The following SPC25 variants were observed in gnomAD, a reference collection of about 807,000 sequenced individuals.
SPC25 encodes SPC25 component of NDC80 kinetochore complex, also known as kinetochore protein Spc25.
Under a neutral mutation model 29.6 loss-of-function variants are expected in SPC25, and 22 were observed. That is an observed-to-expected ratio of 0.74 (90% confidence interval 0.53 to 1.06). The LOEUF (loss-of-function observed/expected upper bound fraction) is 1.06. Ranked by LOEUF, SPC25 falls within the 50% of genes least tolerant of loss-of-function variation. The pLI, the probability that SPC25 is intolerant of heterozygous loss-of-function variation, is 0.00. For missense variants in SPC25, 230 were observed against 255.8 expected, an observed-to-expected ratio of 0.90 and a Z score of 0.69; for synonymous variants, 91 against 90.4, an observed-to-expected ratio of 1.01 and a Z score of -0.04.
intron 3 of SPC25, 141 bp from the exon 4 acceptor site, chr2:168,877,525 T>A: frequency 9.9e-7 from 1 of 1,008,860 alleles, no homozygotes; most frequent in Non-Finnish European, 1.4e-6. Context: ...TTCAAAATTA[T>A]AAAAGACAAA....
At chr2:168,868,799 C>T (rs542906972), downstream of SPC25, among the ~76,000 whole-genome samples, 2 of 152,208 alleles carry the variant, frequency 1.3e-5, no homozygotes, top group Non-Finnish European at 2.9e-5. Context: ...TGGTACCATT[C>T]CTTCTGAAAC....
downstream of SPC25, among the ~76,000 whole-genome samples, chr2:168,866,566 G>T (rs1689857395): frequency 6.6e-6 from 1 of 151,794 alleles, no homozygotes; most frequent in Non-Finnish European, 1.5e-5. Flanking sequence ...CATAGGCATG[G>T]GCAAGGATTT....
chr2:168,871,525 A>G lies in SPC25; in HGVS notation c.581T>C (p.Leu194Pro). 6.2e-7 allele frequency: 1 copy of G among 1,602,682 alleles called. No homozygotes were observed. The highest frequency in any genetic ancestry group is 8.5e-7 in the Non-Finnish European group (1 of 1,176,168). ...CCTTACATTCTCTTGAAATTCTGCT[A>G]GGCCCTCAAGATGAGGGGCACTATC... Reference protein sequence around the residue: ...VSDSAPHLEGLAEFQENVRKT... With the variant: ...VSDSAPHLEGPAEFQENVRKT... The change falls in exon 7 of 7, where the codon CTA becomes CCA. Residue 194 changes from leucine to proline, a missense_variant. Coordinates refer to ENST00000282074, the MANE Select transcript of SPC25 (RefSeq NM_020675.4).
chr2:168,876,345 A>G (rs1207713677), intron 4 of SPC25, among the ~76,000 whole-genome samples, 169 bp from the exon 5 acceptor site: 2 of 152,104 alleles, frequency 1.3e-5, no homozygotes, highest in Non-Finnish European at 2.9e-5. Context: ...GCTTCTGTTC[A>G]TTCAAGTTGG....
downstream of SPC25, among the ~76,000 whole-genome samples, chr2:168,867,165 C>A (rs1228290924): frequency 6.6e-6 from 1 of 152,108 alleles, no homozygotes; most frequent in African/African-American, 2.4e-5. Flanking sequence ...GCTATAAAGA[C>A]ACATGCACAT....
chr2:168,873,313 C>G (rs1273232007), intron 6 of SPC25, among the ~76,000 whole-genome samples: 2 of 152,180 alleles, frequency 1.3e-5, no homozygotes, highest in Non-Finnish European at 2.9e-5. Flanking sequence ...CATATTTGCA[C>G]ATAAATGCAA....
At chr2:168,863,041 T>G (rs1689569419) in intron 4 of SPC25, among the ~76,000 whole-genome samples, 2 of 151,856 alleles carry the variant, frequency 1.3e-5, no homozygotes, top group South Asian at 4.2e-4. Context: ...CAGACATACT[T>G]CCCAGATGCC....
intron 3 of SPC25, among the ~76,000 whole-genome samples, chr2:168,882,151 A>G (rs1466134166): frequency 6.6e-6 from 1 of 152,250 alleles, no homozygotes; most frequent in East Asian, 1.9e-4. Flanking sequence ...GGAAGTTAAT[A>G]TGATAAATGA....
chr2:168,864,791 G>A (rs1347829575), intron 4 of SPC25: 8 of 1,610,514 alleles, frequency 5.0e-6, no homozygotes, highest in Non-Finnish European at 6.8e-6. Context: ...TGAGGCATGT[G>A]TTCACATCAC....
chr2:168,877,460 T>A, intron 3 of SPC25, 76 bp from the exon 4 acceptor site: 1 of 1,499,870 alleles, frequency 6.7e-7, no homozygotes. Context: ...CAAAGTTTAC[T>A]GACTTTCATA....
intron 4 of SPC25, chr2:168,863,246 T>TAATAGATTATGTCAATTTAC (rs1689587132): frequency 4.1e-6 from 1 of 241,382 alleles, no homozygotes; most frequent in Non-Finnish European, 6.7e-6. Flanking sequence ...GAATTCTTGT[T>TAATAGATTATGTCAATTTAC]AATAGATTAT....
intron 3 of SPC25, among the ~76,000 whole-genome samples, chr2:168,888,480 A>G (rs974215596): frequency 2.6e-5 from 4 of 152,136 alleles, no homozygotes; most frequent in East Asian, 1.9e-4. Context: ...GCGTGAACCC[A>G]GGAGGCGGAG....
intron 4 of SPC25, chr2:168,863,727 G>C (rs1336346240): frequency 1.3e-5 from 11 of 879,530 alleles, no homozygotes; most frequent in Non-Finnish European, 2.7e-6. Flanking sequence ...ACATTGTCTT[G>C]ATCTTAAGAA....
chr2:168,883,489 G>T (rs1690209436), intron 3 of SPC25, among the ~76,000 whole-genome samples: 2 of 152,152 alleles, frequency 1.3e-5, no homozygotes, highest in African/African-American at 4.8e-5. Flanking sequence ...AATTCAGATT[G>T]AAAGTCAAAG....
chr2:168,880,970 C>A (rs561230180), intron 3 of SPC25, among the ~76,000 whole-genome samples: 2 of 152,292 alleles, frequency 1.3e-5, no homozygotes, highest in African/African-American at 4.8e-5. Context: ...AGTTTGAAAT[C>A]TTGTGAGAAT....
intron 4 of SPC25, chr2:168,863,351 G>C (rs756075395): frequency 2.7e-5 from 25 of 936,968 alleles, no homozygotes; most frequent in Non-Finnish European, 3.2e-5. Flanking sequence ...AGATAGAAAA[G>C]GAGTTAATAA....
At chr2:168,865,585 C>T (rs1262814912) in intron 4 of SPC25, 1 of 152,306 alleles carries the variant, frequency 6.6e-6, no homozygotes, top group East Asian at 1.9e-4. Flanking sequence ...CCTCTCACCA[C>T]TCCTATTCAA....
intron 5 of SPC25, among the ~76,000 whole-genome samples, 185 bp downstream of exon 5, chr2:168,875,887 G>A (rs373964642): frequency 1.5e-4 from 23 of 152,036 alleles, no homozygotes; most frequent in Admixed American, 9.8e-4. Context: ...TTAAAATACC[G>A]AATGATAAAT....
chr2:168,875,079 C>G (rs10497344), intron 5 of SPC25, among the ~76,000 whole-genome samples: 11,283 of 152,184 alleles, frequency 0.074, 1,286 homozygotes, highest in African/African-American at 0.25. Flanking sequence ...TTTTAGCCTA[C>G]TAATTCCTCT....
Sources: allele counts gnomAD v4.1 joint callset (sites outside exome capture counted in the v4.1 genomes callset), GRCh38; gene constraint gnomAD v4.1.1; transcripts MANE v1.5; gene names NCBI Gene and HGNC (gene_info 2026-07-23, HGNC 2026-07-21).